The following COBL variants were observed in gnomAD, a reference collection of about 807,000 sequenced individuals.
The protein encoded by COBL is cordon-bleu WH2 repeat protein, also known as protein cordon-bleu.
COBL carries 51 observed loss-of-function variants against 98.8 expected under a neutral mutation model. That is an observed-to-expected ratio of 0.52 (90% CI 0.41 to 0.65). COBL has a LOEUF of 0.65. COBL is among the 30% of genes least tolerant of loss of function. The probability of loss-of-function intolerance (pLI) is 0.00; values close to 1 mark genes in which losing one functional copy is unlikely to be tolerated. For missense variants in COBL, 1,617 were observed against 1,617.5 expected, an observed-to-expected ratio of 1.00 and a Z score of 0.01; for synonymous variants, 634 against 651.7, an observed-to-expected ratio of 0.97 and a Z score of 0.41.
intron 6 of COBL, among the ~76,000 whole-genome samples, chr7:51,110,890 G>C (rs1376821499): frequency 6.6e-6 from 1 of 152,218 alleles, no homozygotes; most frequent in Non-Finnish European, 1.5e-5. Flanking sequence ...TGACTGCATA[G>C]TATTCCATCA....
chr7:51,185,383 T>G (rs1789391425), intron 4 of COBL, among the ~76,000 whole-genome samples: 2 of 152,158 alleles, frequency 1.3e-5, no homozygotes, highest in South Asian at 4.1e-4. Context: ...TGCTGAGAGA[T>G]TAAGAGCGCC....
chr7:51,288,508 T>C (rs183505805), intron 1 of COBL, among the ~76,000 whole-genome samples: 1 of 151,586 alleles, frequency 6.6e-6, no homozygotes, highest in African/African-American at 2.4e-5. Flanking sequence ...ATCCCAGCAC[T>C]TTGTGAGGCC....
intron 1 of COBL, among the ~76,000 whole-genome samples, chr7:51,302,978 T>C (rs1024676151): frequency 5.9e-5 from 9 of 152,142 alleles, no homozygotes; most frequent in Non-Finnish European, 1.0e-4. Context: ...CCCAACGCAA[T>C]GCTGCAACTA....
At chr7:51,186,742 C>A (rs530661332) in intron 4 of COBL, among the ~76,000 whole-genome samples, 2 of 152,300 alleles carry the variant, frequency 1.3e-5, no homozygotes, top group South Asian at 2.1e-4. Flanking sequence ...AGAGGTGAGG[C>A]TTTGGTCTCA....
intron 1 of COBL, among the ~76,000 whole-genome samples, chr7:51,265,125 G>A (rs1044954835): frequency 6.6e-6 from 1 of 152,204 alleles, no homozygotes; most frequent in African/African-American, 2.4e-5. Context: ...AGTCTACACA[G>A]CAGAACCTCA....
At position 51,039,637 on chromosome 7, in the gene COBL, G is replaced by A. The variant is rs140790602; in HGVS notation, c.1406+3746C>T. Among the ~76,000 whole-genome samples the A allele has an allele frequency of 3.3e-5, 5 of 152,314 alleles. No individual in the cohort carries two copies. In the East Asian group the frequency reaches 7.7e-4, roughly 23 times the overall value. On this transcript the variant is annotated intron_variant, in intron 8 of 12. Coordinates refer to ENST00000265136, the MANE Select transcript of COBL (RefSeq NM_015198.5). ...ATATTTTTCAAGCAATATAGCACAG[G>A]GAATACTTCAGTAGCGACAAGTGTA...
In COBL at chr7:51,219,750, A is replaced by AGCAC; in HGVS notation, c.232_235dup (p.Leu79ArgfsTer14). ...CAGCACCGGCTCTCACCTCCCATTG[A>AGCAC]GCACGCTCCTCTTCTCCAGCCCACT... On this transcript the variant is annotated frameshift_variant, in exon 2 of 13. Transcript: ENST00000265136. LOFTEE classifies it high-confidence loss of function. The AGCAC allele has an allele frequency of 6.2e-7, 1 of 1,613,830 alleles. No individual in the cohort carries two copies. Among genetic ancestry groups the AGCAC allele is most frequent in the Non-Finnish European group, 8.5e-7 (1 of 1,179,872 alleles).
chr7:51,206,511 GA>G, intron 2 of COBL, among the ~76,000 whole-genome samples: 1 of 138,564 alleles, frequency 7.2e-6, no homozygotes, highest in East Asian at 2.1e-4. Flanking sequence ...AAAAAAGAAA[GA>G]AAATGAAATC....
intron 6 of COBL, among the ~76,000 whole-genome samples, chr7:51,133,951 C>G (rs1348495157): frequency 5.3e-5 from 8 of 152,166 alleles, no homozygotes; most frequent in Non-Finnish European, 8.8e-5. Context: ...CTAGTTGATA[C>G]AAAATAATAT....
chr7:51,065,325 T>A (rs1562864350), intron 7 of COBL: 4 of 703,362 alleles, frequency 5.7e-6, no homozygotes, highest in African/African-American at 1.7e-5. Flanking sequence ...AACACTTGAT[T>A]TCAGGATTGT....
chr7:51,246,033 T>C (rs1796246580), intron 1 of COBL, among the ~76,000 whole-genome samples: 1 of 152,202 alleles, frequency 6.6e-6, no homozygotes, highest in Non-Finnish European at 1.5e-5. Flanking sequence ...TTATACCATG[T>C]GGTATGTATG....
chr7:51,262,849 C>T (rs1797837637), intron 1 of COBL, among the ~76,000 whole-genome samples: 1 of 152,086 alleles, frequency 6.6e-6, no homozygotes, highest in Admixed American at 6.5e-5. Flanking sequence ...TACCAGCAAC[C>T]CCTGGTAGGA....
rs947028336 is a variant in COBL, at chr7:51,063,144, T to C, written c.1097-19452A>G. On this transcript the variant is annotated intron_variant, in intron 7 of 12. Transcript: ENST00000265136. Reference sequence around the variant, plus strand: ...AATTAAACATTTTCTCTCTCTTTTTTTTTTTTTTTAGATGAAGTCTCACTC... The same window carrying C: ...AATTAAACATTTTCTCTCTCTTTTTCTTTTTTTTTAGATGAAGTCTCACTC... 2.2e-4 allele frequency among the ~76,000 whole-genome samples: 33 copies of C among 152,036 alleles called. 1 individual carries two copies. Among genetic ancestry groups the C allele is most frequent in the African/African-American group, 8.0e-4 (33 of 41,502 alleles).
intron 1 of COBL, among the ~76,000 whole-genome samples, chr7:51,280,152 A>G (rs1338576034): frequency 1.3e-5 from 2 of 152,188 alleles, no homozygotes; most frequent in Non-Finnish European, 2.9e-5. Flanking sequence ...AAGTACCACG[A>G]AAACAGCACT....
At chr7:51,018,542 A>G (rs1786529011) in intron 12 of COBL, 1 of 152,058 alleles carries the variant, frequency 6.6e-6, no homozygotes, top group South Asian at 2.1e-4. Flanking sequence ...AAGCCTGTCC[A>G]ACTCATGGCC....
At chr7:51,218,833 T>C (rs999613335) in intron 2 of COBL, among the ~76,000 whole-genome samples, 1 of 152,222 alleles carries the variant, frequency 6.6e-6, no homozygotes, top group Non-Finnish European at 1.5e-5. Flanking sequence ...CACTGCTGCA[T>C]CAGAATCATA....
At chr7:51,159,572 A>G (rs1049608587) in intron 5 of COBL, among the ~76,000 whole-genome samples, 2 of 152,214 alleles carry the variant, frequency 1.3e-5, no homozygotes, top group Non-Finnish European at 2.9e-5. Flanking sequence ...GGAAACATAG[A>G]CAGTGGAAAT....
In COBL at chr7:51,028,996, T is replaced by C. The variant is rs1197755521; in HGVS notation, c.2100A>G (p.Arg700=). 3 of 1,614,078 alleles carry C rather than the reference T, an allele frequency of 1.9e-6. No homozygotes were observed. The highest frequency in any genetic ancestry group is 2.5e-6 in the Non-Finnish European group (3 of 1,180,058). Residue 700 remains arginine, a synonymous_variant, in exon 10 of 13, where the codon AGA becomes AGG. Transcript: ENST00000265136. ...TATACGTTGTGAGGCCGTGCTTAAG[T>C]CTGTAGCTTTTCCCTGGGTTTTGGC... is the stretch of plus-strand genomic sequence containing the variant. The part of the protein sequence containing the change: ...QRGQNPGKSY[R]LKHGLTTYKI...
At chr7:51,019,729 C>T (rs2128858168) in intron 12 of COBL, among the ~76,000 whole-genome samples, 1 of 152,306 alleles carries the variant, frequency 6.6e-6, no homozygotes. Flanking sequence ...GAACTGACCC[C>T]TAGGCCTCAG....
Sources: gnomAD v4.1 joint callset for allele counts (sites outside exome capture counted in the v4.1 genomes callset) on GRCh38, gnomAD v4.1.1 for gene constraint, MANE v1.5 for transcripts, NCBI Gene and HGNC (gene_info 2026-07-23, HGNC 2026-07-21) for gene names.